Variants in RNF122 observed in about 807,000 individuals in gnomAD.
RNF122 encodes the protein ring finger protein 122.
A neutral mutation model predicts 24.2 loss-of-function variants in RNF122; 17 were observed. That is an observed-to-expected ratio of 0.70 (90% confidence interval 0.48 to 1.06). The LOEUF (loss-of-function observed/expected upper bound fraction) is 1.06. Ranked by LOEUF, RNF122 falls within the 50% of genes least tolerant of loss-of-function variation. The probability of loss-of-function intolerance (pLI) is 0.00; values close to 1 mark genes in which losing one functional copy is unlikely to be tolerated. For synonymous variants in RNF122, 65 were observed against 71.8 expected (o/e 0.91, Z 0.48); for missense variants, 168 against 198.1 (o/e 0.85, Z 0.91).
At chr8:33,561,954 A>G (rs1393924557) in intron 1 of RNF122, among the ~76,000 whole-genome samples, 1 of 152,036 alleles carries the variant, frequency 6.6e-6, no homozygotes, top group African/African-American at 2.4e-5. Context: ...AAGTTCTCCA[A>G]TACTACTCCA....
intron 4 of RNF122, 31 bp downstream of exon 4, chr8:33,551,013 G>T (rs201795009): frequency 6.2e-7 from 1 of 1,611,242 alleles, no homozygotes; most frequent in East Asian, 2.2e-5. Flanking sequence ...ACCTGCTGGG[G>T]CCCTCCTGCA....
intron 2 of RNF122, 60 bp from the exon 3 acceptor site, chr8:33,551,449 G>C: frequency 6.3e-7 from 1 of 1,576,782 alleles, no homozygotes; most frequent in South Asian, 1.1e-5. Flanking sequence ...CAAAGCAGGA[G>C]AGGCTGGCTG....
intron 1 of RNF122, 27 bp downstream of exon 1, chr8:33,566,668 CGTAG>C: frequency 1.3e-6 from 2 of 1,591,322 alleles, no homozygotes; most frequent in Non-Finnish European, 1.7e-6. Context: ...ACCAGCCCCA[CGTAG>C]GCTCGGCCCT....
chr8:33,550,994 G>C, intron 4 of RNF122, 50 bp downstream of exon 4: 1 of 1,577,652 alleles, frequency 6.3e-7, no homozygotes, highest in Non-Finnish European at 8.7e-7. Context: ...GCAAGGTGCT[G>C]TCTGCCTCAC....
At chr8:33,560,323 C>A (rs570597009) in intron 1 of RNF122, among the ~76,000 whole-genome samples, 1 of 152,090 alleles carries the variant, frequency 6.6e-6, no homozygotes, top group South Asian at 2.1e-4. Context: ...CAGGTGGGTA[C>A]GTAACCAGGT....
Position 33,548,837 on chromosome 8 carries a change from A to G in RNF122, c.384T>C (p.Cys128=). 5 of 1,614,036 alleles carry G rather than the reference A, an allele frequency of 3.1e-6. No homozygotes were observed. The highest frequency in any genetic ancestry group is 1.3e-5 in the African/African-American group (1 of 75,022). ...TGGGCTTGTTACACATGGGGCAGAC[A>G]CAGCGAACTTCCAGCCATTTCACCA... ...KCLVKWLEVR[C]VCPMCNKPIA... is the part of the protein sequence containing the mutation. Residue 128 remains cysteine, a synonymous_variant, in exon 6 of 6, where the codon TGT becomes TGC. Transcript: ENST00000256257.
chr8:33,553,619 A>G (rs1483736505), intron 2 of RNF122, among the ~76,000 whole-genome samples: 3 of 152,192 alleles, frequency 2.0e-5, no homozygotes, highest in Admixed American at 6.5e-5. Context: ...AAATGAGTGG[A>G]TAGATGGATG....
chr8:33,559,857 TTTTA>T (rs1810513982), intron 1 of RNF122, among the ~76,000 whole-genome samples: 2 of 151,578 alleles, frequency 1.3e-5, no homozygotes, highest in South Asian at 4.2e-4. Context: ...TTTTTTTTTT[TTTTA>T]AACAGAGTCT....
Position 33,558,618 on chromosome 8 carries a change from A to G in RNF122, c.179T>C (p.Ile60Thr), listed in dbSNP as rs1810491846. Residue 60 changes from isoleucine to threonine, a missense_variant, in exon 2 of 6, where the codon ATC becomes ACC. Ile to Thr is a moderately conservative substitution (Grantham distance 89). Coordinates refer to ENST00000256257, the MANE Select transcript of RNF122 (RefSeq NM_024787.3). The part of the protein sequence containing the change: ...MLSLIFCCYF[I>T]SKLRNQAQSE... ...GGTCAGCCAGGGATCCACGCACCTGATAAAATAGCAGCAGAAGATAAGGCT... is the reference window on the plus strand; with the variant it reads ...GGTCAGCCAGGGATCCACGCACCTGGTAAAATAGCAGCAGAAGATAAGGCT... 6 of 1,604,248 alleles carry G rather than the reference A, an allele frequency of 3.7e-6. No individual in the cohort carries two copies. Among genetic ancestry groups the G allele is most frequent in the African/African-American group, 1.3e-5 (1 of 74,590 alleles).
At position 33,566,752 on chromosome 8, in the gene RNF122, C is replaced by A. The variant is rs1371526827; in HGVS notation, c.-29G>T. 1 of 1,599,186 alleles carries A rather than the reference C, an allele frequency of 6.3e-7. No individual in the cohort carries two copies. The highest frequency in any genetic ancestry group is 1.1e-5 in the South Asian group (1 of 88,184). On this transcript the variant is annotated 5_prime_UTR_variant, in exon 1 of 6. Coordinates refer to ENST00000256257, the MANE Select transcript of RNF122 (RefSeq NM_024787.3). ...TGAAGTCGCGGTTGGCTTCCTCGGG[C>A]GAACGGACGCAGGCGGGGTGCCAGG...
intron 1 of RNF122, among the ~76,000 whole-genome samples, chr8:33,564,391 GATTA>G (rs72184063): frequency 0.59 from 89,542 of 150,980 alleles, 27,957 homozygotes; most frequent in African/African-American, 0.8. Flanking sequence ...CCAAAAAGTA[GATTA>G]ATTAATTAAT....
rs764687191 is a variant in RNF122, at chr8:33,548,871, A to G, written c.354-4T>C. 44 of 1,596,416 alleles carry G rather than the reference A, an allele frequency of 2.8e-5. No individual in the cohort carries two copies. The highest frequency in any genetic ancestry group is 5.5e-5 in the South Asian group (5 of 90,716). On this transcript the variant is annotated splice_polypyrimidine_tract_variant and splice_region_variant and intron_variant, in intron 5 of 5. Coordinates refer to ENST00000256257, the MANE Select transcript of RNF122 (RefSeq NM_024787.3). Reference sequence around the variant, plus strand: ...TTCCAGCCATTTCACCAGACACCTGAGAACAAATGAGGAATGGTAATCTCT... The same window carrying G: ...TTCCAGCCATTTCACCAGACACCTGGGAACAAATGAGGAATGGTAATCTCT...
At chr8:33,552,276 G>A (rs1034914790) in intron 2 of RNF122, among the ~76,000 whole-genome samples, 10 of 152,162 alleles carry the variant, frequency 6.6e-5, no homozygotes, top group African/African-American at 2.4e-5. Context: ...GTGCATGCCT[G>A]TAATCCTAGC....
chr8:33,566,569 T>G, intron 1 of RNF122, 130 bp downstream of exon 1: 1 of 944,032 alleles, frequency 1.1e-6, no homozygotes, highest in Non-Finnish European at 1.7e-6. Flanking sequence ...CAAGACGCCT[T>G]CTCGACTGTC....
intron 1 of RNF122, among the ~76,000 whole-genome samples, chr8:33,562,512 G>A (rs1218689365): frequency 2.1e-5 from 3 of 144,356 alleles, no homozygotes; most frequent in Non-Finnish European, 4.5e-5. Context: ...ACTGCACTTA[G>A]CATGGGCCAG....
At chr8:33,562,787 G>C (rs985188667) in intron 1 of RNF122, among the ~76,000 whole-genome samples, 1 of 152,084 alleles carries the variant, frequency 6.6e-6, no homozygotes, top group African/African-American at 2.4e-5. Context: ...GCTGGGTTTG[G>C]TGTCTGGCAC....
intron 1 of RNF122, among the ~76,000 whole-genome samples, chr8:33,565,928 A>T (rs1240479055): frequency 1.3e-5 from 2 of 152,140 alleles, no homozygotes; most frequent in Non-Finnish European, 2.9e-5. Context: ...ATCTAGGCTC[A>T]CTGCAATCTC....
At chr8:33,560,279 C>G (rs1810520914) in intron 1 of RNF122, among the ~76,000 whole-genome samples, 2 of 152,180 alleles carry the variant, frequency 1.3e-5, no homozygotes, top group Non-Finnish European at 2.9e-5. Context: ...ATGATAGTCA[C>G]CTCTCCCTTC....
At chr8:33,562,598 G>A (rs1354043077) in intron 1 of RNF122, among the ~76,000 whole-genome samples, 1 of 150,518 alleles carries the variant, frequency 6.6e-6, no homozygotes, top group Non-Finnish European at 1.5e-5. Context: ...TTACCACATA[G>A]GAAAAAAAGA....
Sources: allele counts gnomAD v4.1 joint callset (sites outside exome capture counted in the v4.1 genomes callset), GRCh38; gene constraint gnomAD v4.1.1; transcripts MANE v1.5; gene names NCBI Gene and HGNC (gene_info 2026-07-23, HGNC 2026-07-21).